COL10A1: variants seen among roughly 807,000 people sequenced by gnomAD.
COL10A1 encodes the protein collagen type X alpha 1 chain.
In COL10A1, 10 loss-of-function variants were observed where a neutral mutation model predicts 18.2. The ratio of observed to expected loss-of-function variants is 0.55; its 90% confidence interval spans 0.34 to 0.93. COL10A1 has a LOEUF of 0.93. Ranked by LOEUF, COL10A1 falls within the 40% of genes least tolerant of loss-of-function variation. COL10A1 has a pLI of 0.02. For missense variants in COL10A1, 897 were observed against 853.5 expected, an observed-to-expected ratio of 1.05 and a Z score of -0.64; for synonymous variants, 330 against 316.6, an observed-to-expected ratio of 1.04 and a Z score of -0.45.
chr6:116,151,094 A>T (rs1312998353), intron 1 of COL10A1, among the ~76,000 whole-genome samples: 1 of 151,960 alleles, frequency 6.6e-6, no homozygotes, highest in Non-Finnish European at 1.5e-5. Flanking sequence ...TTGCTCAGGG[A>T]TTAGAATTTG....
At chr6:116,133,804 AC>A (rs1779524410) in intron 1 of COL10A1, among the ~76,000 whole-genome samples, 1 of 151,846 alleles carries the variant, frequency 6.6e-6, no homozygotes, top group Admixed American at 6.6e-5. Flanking sequence ...GCCTTTTTGC[AC>A]CCTGGTTTCC....
chr6:116,194,626 A>G, the COL10A1 span, among the ~76,000 whole-genome samples: 3,394 of 152,194 alleles, frequency 0.022, 137 homozygotes, highest in African/African-American at 0.078. Context: ...ATAATAAAGG[A>G]TAATGTGAAT....
chr6:116,193,452 T>G, the COL10A1 span, among the ~76,000 whole-genome samples: 1 of 152,126 alleles, frequency 6.6e-6, no homozygotes, highest in Non-Finnish European at 1.5e-5. Context: ...TGCAACTTGC[T>G]TGCTGTGTGA....
upstream of COL10A1, among the ~76,000 whole-genome samples, chr6:116,161,987 A>ATT (rs950008627): frequency 1.3e-5 from 2 of 151,800 alleles, no homozygotes; most frequent in African/African-American, 4.8e-5. Context: ...TGTAAATGGG[A>ATT]TTTTCACCAT....
intron 2 of COL10A1, among the ~76,000 whole-genome samples, chr6:116,124,758 C>T (rs1446462518): frequency 6.6e-6 from 1 of 152,134 alleles, no homozygotes; most frequent in Non-Finnish European, 1.5e-5. Context: ...CTGCATTTTA[C>T]CGCTAAACTA....
chr6:116,121,202 C>A lies in COL10A1; in HGVS notation c.914G>T (p.Gly305Val), dbSNP rs183121424. 1 of 1,613,680 alleles carries A rather than the reference C, an allele frequency of 6.2e-7. No homozygotes were observed. The highest frequency in any genetic ancestry group is 1.3e-5 in the African/African-American group (1 of 75,008). The change falls in exon 3 of 3, where the codon GGC becomes GTC. Residue 305 changes from glycine (G) to valine (V), a missense_variant. Gly to Val is a moderately radical substitution (Grantham distance 109). Coordinates refer to ENST00000651968, the MANE Select transcript of COL10A1 (RefSeq NM_000493.4). ...AGCAGGTCCTCTTTCTCCCTTCAGG[C>A]CTGGCAAGCCTGGTTTCCCAAAGCC... is the stretch of plus-strand genomic sequence containing the variant. ...PPGFGKPGLP[G>V]LKGERGPAGL...
chr6:116,167,940 G>A, the COL10A1 span, among the ~76,000 whole-genome samples: 5 of 152,078 alleles, frequency 3.3e-5, no homozygotes, highest in African/African-American at 1.2e-4. Flanking sequence ...GTTATTTTCT[G>A]CACTATAGTC....
At chr6:116,181,873 T>A in the COL10A1 span, among the ~76,000 whole-genome samples, 1 of 152,092 alleles carries the variant, frequency 6.6e-6, no homozygotes, top group Non-Finnish European at 1.5e-5. Flanking sequence ...TTTTATTTAT[T>A]CAGTTTTCTA....
chr6:116,152,236 G>A (rs1780061009), intron 1 of COL10A1, among the ~76,000 whole-genome samples: 1 of 152,072 alleles, frequency 6.6e-6, no homozygotes, highest in Admixed American at 6.6e-5. Context: ...GAAAATACAG[G>A]AGCTGTGCAT....
At chr6:116,167,226 T>G in the COL10A1 span, among the ~76,000 whole-genome samples, 2 of 148,896 alleles carry the variant, frequency 1.3e-5, no homozygotes, top group African/African-American at 5.0e-5. Flanking sequence ...TTTTTTTTTT[T>G]TTTTTGAGAC....
chr6:116,130,316 ATGTAT>A (rs1278315803), upstream of COL10A1, among the ~76,000 whole-genome samples: 2 of 152,092 alleles, frequency 1.3e-5, no homozygotes, highest in Non-Finnish European at 2.9e-5. Context: ...TCAGTTTATA[ATGTAT>A]TGTATGTGTT....
intron 1 of COL10A1, among the ~76,000 whole-genome samples, chr6:116,139,789 T>C (rs1221025895): frequency 2.0e-5 from 3 of 152,136 alleles, no homozygotes; most frequent in Non-Finnish European, 4.4e-5. Context: ...AATATTAATA[T>C]TAAGACATCT....
chr6:116,165,214 G>A, the COL10A1 span, among the ~76,000 whole-genome samples: 1 of 151,854 alleles, frequency 6.6e-6, no homozygotes, highest in Non-Finnish European at 1.5e-5. Flanking sequence ...CTGTTAGTCT[G>A]ATAGGATTTC....
At chr6:116,168,636 T>C in the COL10A1 span, among the ~76,000 whole-genome samples, 1 of 152,134 alleles carries the variant, frequency 6.6e-6, no homozygotes, top group Non-Finnish European at 1.5e-5. Flanking sequence ...TGATTGTTTG[T>C]TTTGTTTTTA....
intron 1 of COL10A1, among the ~76,000 whole-genome samples, chr6:116,147,209 G>A (rs987077372): frequency 5.9e-5 from 9 of 151,808 alleles, no homozygotes; most frequent in Non-Finnish European, 1.0e-4. Flanking sequence ...GGGAGGCCAC[G>A]GTGGGCAGAT....
At position 116,121,063 on chromosome 6, in the gene COL10A1, G is replaced by A; in HGVS notation, c.1053C>T (p.Ile351=). The A allele has an allele frequency of 1.2e-6, 2 of 1,614,066 alleles. No individual in the cohort carries two copies. Among genetic ancestry groups the A allele is most frequent in the Middle Eastern group, 1.7e-4 (1 of 6,060 alleles). ...GGCCTGGGAGACCATGGCTACCCGG[G>A]ATGCCTTTTGGTCCTTGGGGTCCCA... ...GNMGPQGPKG[I]PGSHGLPGPK... The change falls in exon 3 of 3, where the codon ATC becomes ATT. Residue 351 remains isoleucine (I), a synonymous_variant. Transcript: ENST00000651968.
Position 116,120,760 on chromosome 6 carries a change from G to C in COL10A1, c.1356C>G (p.Gly452=). The C allele has an allele frequency of 1.2e-6, 2 of 1,610,202 alleles. No individual in the cohort carries two copies. The highest frequency in any genetic ancestry group is 2.2e-5 in the South Asian group (2 of 90,912). ...RGAPGIPGTR[G]PIGPPGIPGF... is the part of the protein sequence containing the mutation. ...CTGGAATGCCTGGTGGCCCAATAGG[G>C]CCTCTAGTACCTGGTATTCCAGGGG... Residue 452 remains glycine, a synonymous_variant, in exon 3 of 3, where the codon GGC becomes GGG. Transcript: ENST00000651968.
intron 1 of COL10A1, among the ~76,000 whole-genome samples, chr6:116,134,315 ACG>A (rs746911015): frequency 6.6e-6 from 1 of 152,264 alleles, no homozygotes; most frequent in East Asian, 1.9e-4. Context: ...ATGGAGATAA[ACG>A]CCAGACACCA....
chr6:116,216,914 A>C, the COL10A1 span, among the ~76,000 whole-genome samples: 32 of 152,134 alleles, frequency 2.1e-4, no homozygotes, highest in Admixed American at 1.8e-3. Flanking sequence ...ATAACTTGTA[A>C]AGGTTGTAAA....
Sources: gnomAD v4.1 joint callset for allele counts (sites outside exome capture counted in the v4.1 genomes callset) on GRCh38, gnomAD v4.1.1 for gene constraint, MANE v1.5 for transcripts, NCBI Gene and HGNC (gene_info 2026-07-23, HGNC 2026-07-21) for gene names.